Variants in TGM6 observed in about 807,000 individuals in gnomAD.
TGM6 encodes the protein protein-glutamine gamma-glutamyltransferase 6.
Under a neutral mutation model 77.5 loss-of-function variants are expected in TGM6, and 74 were observed. That is an observed-to-expected ratio of 0.96 (90% CI 0.79 to 1.16). The LOEUF (loss-of-function observed/expected upper bound fraction) is 1.16. Ranked by LOEUF, TGM6 falls within the 50% of genes most tolerant of loss-of-function variation. The pLI, the probability that TGM6 is intolerant of heterozygous loss-of-function variation, is 0.00. For missense variants in TGM6, 968 were observed against 940.2 expected (o/e 1.03, Z -0.39); for synonymous variants, 383 against 378.9 (o/e 1.01, Z -0.12).
intron 1 of TGM6, among the ~76,000 whole-genome samples, chr20:2,387,295 C>CAT (rs1402995038): frequency 3.9e-5 from 6 of 152,162 alleles, no homozygotes; most frequent in African/African-American, 1.4e-4. Context: ...ATGACTGGGG[C>CAT]TAACTTGATG....
chr20:2,425,662 C>T (rs892505079), intron 10 of TGM6, among the ~76,000 whole-genome samples: 1 of 152,060 alleles, frequency 6.6e-6, no homozygotes. Flanking sequence ...ATTGTACTGA[C>T]TACTCTGGGT....
At position 2,394,436 on chromosome 20, in the gene TGM6, T is replaced by A. The variant is rs767383341; in HGVS notation, c.8-16T>A. 4 of 1,611,094 alleles carry A rather than the reference T, an allele frequency of 2.5e-6. No homozygotes were observed. The highest frequency in any genetic ancestry group is 2.2e-5 in the South Asian group (2 of 90,988). On this transcript the variant is annotated splice_polypyrimidine_tract_variant and intron_variant, in intron 1 of 12. Coordinates refer to ENST00000202625, the MANE Select transcript of TGM6 (RefSeq NM_198994.3). ...AGGAGGCCGTGGCCTCATCTCCCTG[T>A]CCTCTCCCCACCCAGGGATCAGAGT...
chr20:2,421,874 G>C (rs2084858559), intron 10 of TGM6, among the ~76,000 whole-genome samples: 1 of 152,172 alleles, frequency 6.6e-6, no homozygotes, highest in South Asian at 2.1e-4. Context: ...GCTCACGGCT[G>C]TAATCCCAGC....
At position 2,386,994 on chromosome 20, in the gene TGM6, C is replaced by T. The variant is rs574957462; in HGVS notation, c.7+6019C>T. On this transcript the variant is annotated intron_variant, in intron 1 of 12. Transcript: ENST00000202625. Reference sequence around the variant, plus strand: ...CTGAAAAAATAGCATCCTGTTCTGGCCTGTCCCTACATACATTGCTTGGGA... The same window carrying T: ...CTGAAAAAATAGCATCCTGTTCTGGTCTGTCCCTACATACATTGCTTGGGA... Among the ~76,000 whole-genome samples the T allele has an allele frequency of 3.3e-5, 5 of 152,332 alleles. No individual in the cohort carries two copies. In the South Asian group the frequency reaches 1.0e-3, roughly 32 times the overall value.
chr20:2,422,025 G>A (rs1354351317), intron 10 of TGM6, among the ~76,000 whole-genome samples: 4 of 152,168 alleles, frequency 2.6e-5, no homozygotes, highest in African/African-American at 7.2e-5. Context: ...CCAGCTACTC[G>A]GGAGGCTGAG....
chr20:2,386,399 G>A (rs530220938), intron 1 of TGM6, among the ~76,000 whole-genome samples: 14 of 152,154 alleles, frequency 9.2e-5, no homozygotes, highest in East Asian at 1.9e-4. Flanking sequence ...GGGAGGTGCC[G>A]GGGGCTGGCA....
At chr20:2,412,602 C>T (rs1386174998) in intron 9 of TGM6, among the ~76,000 whole-genome samples, 2 of 151,962 alleles carry the variant, frequency 1.3e-5, no homozygotes, top group African/African-American at 4.8e-5. Flanking sequence ...AAGAAATTTG[C>T]ACATGACATA....
chr20:2,431,017 C>T lies in TGM6; in HGVS notation c.1957C>T (p.Leu653Phe), dbSNP rs372247116. 17 of 1,613,906 alleles carry T rather than the reference C, an allele frequency of 1.1e-5. No homozygotes were observed. The African/African-American group carries it at 1.9e-4, about 18-fold the overall frequency. ...VEGSGLLQEQLSIDVPTLEPQ... is the reference protein window; with the variant it reads ...VEGSGLLQEQFSIDVPTLEPQ... ...GGGCAGCGGCCTTCTCCAGGAACAG[C>T]TCAGCATCGAGTAAGTGCCAGCCTG... is the stretch of plus-strand genomic sequence containing the variant. Residue 653 changes from leucine to phenylalanine, a missense_variant, in exon 12 of 13, where the codon CTC becomes TTC. By Grantham distance (22) the Leu-to-Phe change is conservative (BLOSUM62 0). Transcript: ENST00000202625.
chr20:2,399,505 G>T, intron 5 of TGM6, 56 bp from the exon 6 acceptor site: 6 of 1,611,276 alleles, frequency 3.7e-6, no homozygotes, highest in Admixed American at 1.7e-5. Context: ...ACCACGATGC[G>T]GTTCTTGAGG....
rs1296813669 is a variant in TGM6 at position 2,391,077 on chromosome 20, T to A, written c.8-3375T>A. Among the ~76,000 whole-genome samples the A allele has an allele frequency of 1.3e-5, 2 of 151,728 alleles. 1 individual carries two copies. The highest frequency in any genetic ancestry group is 4.8e-5 in the African/African-American group (2 of 41,238). The stretch of plus-strand genomic sequence containing the variant: ...TGGAGAGCTTGAGAACAACGAGTGA[T>A]CTTAGATTTTAACAGGATCCTTCTG... On this transcript the variant is annotated intron_variant, in intron 1 of 12. Coordinates refer to ENST00000202625, the MANE Select transcript of TGM6 (RefSeq NM_198994.3).
At position 2,395,056 on chromosome 20, in the gene TGM6, T is replaced by C. The variant is rs1264993609; in HGVS notation, c.182-138T>C. 5 of 1,416,016 alleles carry C rather than the reference T, an allele frequency of 3.5e-6. No individual in the cohort carries two copies. In the East Asian group the frequency reaches 1.2e-4, roughly 35 times the overall value. 87.7% of individuals were successfully genotyped at this position (1,416,016 alleles called of 1,614,324 possible). On this transcript the variant is annotated intron_variant, in intron 2 of 12. Transcript: ENST00000202625. ...CACTTGGCCACTGGCCTTCTTGCTC[T>C]TTGTCAGGTCCTTCTCCCAAAGCCT...
At position 2,399,446 on chromosome 20, in the gene TGM6, G is replaced by A. The variant is rs1203682230; in HGVS notation, c.673-115G>A. 8 of 1,443,606 alleles carry A rather than the reference G, an allele frequency of 5.5e-6. No individual in the cohort carries two copies. In the Admixed American group the frequency reaches 1.3e-4, roughly 24 times the overall value. 89.4% of individuals were successfully genotyped at this position (1,443,606 alleles called of 1,614,324 possible). A position where few individuals can be genotyped will look rare whatever the true frequency, so the allele number is the denominator to read the frequency against. On this transcript the variant is annotated intron_variant, in intron 5 of 12. Transcript: ENST00000202625. The stretch of plus-strand genomic sequence containing the variant: ...CCCCTAATTTTCAGACAGTTAAAAA[G>A]CAAGAGTGACCCCGATGGACCTGGT...
intron 12 of TGM6, among the ~76,000 whole-genome samples, chr20:2,432,119 G>C (rs572245876): frequency 6.6e-6 from 1 of 152,280 alleles, no homozygotes; most frequent in East Asian, 1.9e-4. Flanking sequence ...TGCAGTCTTG[G>C]CTCACTGCAA....
Position 2,396,543 on chromosome 20 carries a change from G to A in TGM6, c.462G>A (p.Gln154=). 6.2e-7 allele frequency: 1 copy of A among 1,614,230 alleles called. No homozygotes were observed. ...DVFLASEEER[Q]EYVLSDSGII... ...TTCTGGCCTCAGAGGAGGAGAGACA[G>A]GAGTACGTGCTCAGCGACAGCGGCA... The change falls in exon 4 of 13, where the codon CAG becomes CAA. Residue 154 remains glutamine (Q), a synonymous_variant. Coordinates refer to ENST00000202625, the MANE Select transcript of TGM6 (RefSeq NM_198994.3).
chr20:2,394,758 T>C (rs1307651711), intron 2 of TGM6, 133 bp downstream of exon 2: 12 of 1,121,012 alleles, frequency 1.1e-5, no homozygotes, highest in Non-Finnish European at 1.6e-5. Flanking sequence ...GACGGAGCCT[T>C]GAACCCTGGA....
intron 10 of TGM6, among the ~76,000 whole-genome samples, chr20:2,420,881 A>G (rs993933089): frequency 6.6e-6 from 1 of 152,110 alleles, no homozygotes; most frequent in African/African-American, 2.4e-5. Flanking sequence ...CAGTTTATCC[A>G]TTCACCTACT....
intron 2 of TGM6, 77 bp from the exon 3 acceptor site, chr20:2,395,117 G>A (rs2084654355): frequency 2.5e-6 from 4 of 1,576,660 alleles, no homozygotes; most frequent in Non-Finnish European, 3.4e-6. Flanking sequence ...GGGCTTCCAG[G>A]CCTGTAGCTT....
Position 2,417,403 on chromosome 20 carries a change from A to G in TGM6, c.1508A>G (p.Glu503Gly). 6.2e-7 allele frequency: 1 copy of G among 1,613,574 alleles called. No homozygotes were observed. Among genetic ancestry groups the G allele is most frequent in the South Asian group, 1.1e-5 (1 of 91,078 alleles). Reference sequence around the variant, plus strand: ...ATCGCTGGCAAGTTCAAGGTGCTAGAGCCTCCCATGCTGGGCCACGACCTG... The same window carrying G: ...ATCGCTGGCAAGTTCAAGGTGCTAGGGCCTCCCATGCTGGGCCACGACCTG... ...PSIAGKFKVL[E>G]PPMLGHDLRL... The change falls in exon 10 of 13, where the codon GAG (glutamate) becomes GGG (glycine). Residue 503 changes from glutamate to glycine, a missense_variant. Glu to Gly is a moderately conservative substitution (Grantham distance 98). Transcript: ENST00000202625.
chr20:2,390,974 G>T (rs910032947), intron 1 of TGM6, among the ~76,000 whole-genome samples: 3 of 152,090 alleles, frequency 2.0e-5, no homozygotes, highest in African/African-American at 7.2e-5. Flanking sequence ...GCCCAAAAAA[G>T]ATATCAAAGT....
Sources: allele counts gnomAD v4.1 joint callset (sites outside exome capture counted in the v4.1 genomes callset), GRCh38; gene constraint gnomAD v4.1.1; transcripts MANE v1.5; gene names NCBI Gene and HGNC (gene_info 2026-07-23, HGNC 2026-07-21).